CHI3L2: variants seen among roughly 807,000 people sequenced by gnomAD.
CHI3L2 encodes the protein chitinase-3-like protein 2.
A neutral mutation model predicts 47.3 loss-of-function variants in CHI3L2; 47 were observed. The ratio of observed to expected loss-of-function variants is 0.99; its 90% CI spans 0.79 to 1.27. The LOEUF (loss-of-function observed/expected upper bound fraction) is 1.27. CHI3L2 is among the 50% of genes most tolerant of loss of function. The pLI, the probability that CHI3L2 is intolerant of heterozygous loss-of-function variation, is 0.00. For missense variants in CHI3L2, 497 were observed against 462.1 expected (o/e 1.08, Z -0.69); for synonymous variants, 198 against 169.9 (o/e 1.17, Z -1.28).
Position 111,235,006 on chromosome 1 carries a change from C to G in CHI3L2, c.429C>G (p.Ser143Arg), listed in dbSNP as rs896784173. ...ATAACTTTGATGGACTGGATGTAAGCTGGATCTACCCAGATCAGAAAGAAA... is the reference window on the plus strand; with the variant it reads ...ATAACTTTGATGGACTGGATGTAAGGTGGATCTACCCAGATCAGAAAGAAA... ...RNHNFDGLDV[S>R]WIYPDQKENT... Residue 143 changes from serine to arginine, a missense_variant, in exon 5 of 11, where the codon AGC becomes AGG. By Grantham distance (110) the Ser-to-Arg change is moderately radical. Coordinates refer to ENST00000369748, the MANE Select transcript of CHI3L2 (RefSeq NM_004000.3). 6.2e-7 allele frequency: 1 copy of G among 1,614,050 alleles called. No homozygotes were observed. Among genetic ancestry groups the G allele is most frequent in the Non-Finnish European group, 8.5e-7 (1 of 1,180,030 alleles).
At chr1:111,231,378 T>C (rs1659717264) in intron 4 of CHI3L2, 84 bp downstream of exon 4, 2 of 1,062,644 alleles carry the variant, frequency 1.9e-6, no homozygotes, top group Non-Finnish European at 2.9e-6. Flanking sequence ...GAAGAGATAT[T>C]AAACTAGGCT....
chr1:111,232,910 G>T (rs1027544206), intron 4 of CHI3L2, among the ~76,000 whole-genome samples: 2 of 152,162 alleles, frequency 1.3e-5, no homozygotes, highest in Non-Finnish European at 2.9e-5. Flanking sequence ...CTGATATCAG[G>T]CCAGTTTCTT....
chr1:111,235,121 C>T, intron 5 of CHI3L2, 64 bp downstream of exon 5: 1 of 1,546,040 alleles, frequency 6.5e-7, no homozygotes. Flanking sequence ...ACTCTGATAT[C>T]CAGAATCCAT....
chr1:111,235,903 C>T, intron 6 of CHI3L2, 121 bp from the exon 7 acceptor site: 1 of 1,536,990 alleles, frequency 6.5e-7, no homozygotes, highest in Non-Finnish European at 8.8e-7. Flanking sequence ...CAGCCAGGAA[C>T]AACTTCTTTA....
chr1:111,234,898 T>G lies in CHI3L2; in HGVS notation c.330-9T>G, dbSNP rs1659831126. 1 of 1,613,356 alleles carries G rather than the reference T, an allele frequency of 6.2e-7. No homozygotes were observed. The highest frequency in any genetic ancestry group is 1.3e-5 in the African/African-American group (1 of 74,916). On this transcript the variant is annotated splice_polypyrimidine_tract_variant and intron_variant, in intron 4 of 10. Coordinates refer to ENST00000369748, the MANE Select transcript of CHI3L2 (RefSeq NM_004000.3). ...TTTCCAAAAAGACACTCGTATTGCT[T>G]CTTTCCAGGTTCCACCCTATGGTGG...
intron 8 of CHI3L2, among the ~76,000 whole-genome samples, chr1:111,239,878 G>A (rs1409695792): frequency 6.6e-6 from 1 of 152,174 alleles, no homozygotes; most frequent in Non-Finnish European, 1.5e-5. Context: ...ATCCATCCTT[G>A]TCTCTAAAGG....
intron 8 of CHI3L2, among the ~76,000 whole-genome samples, chr1:111,240,227 G>A (rs1470508895): frequency 1.3e-5 from 2 of 152,196 alleles, no homozygotes; most frequent in African/African-American, 4.8e-5. Context: ...CATGCTGAAT[G>A]ACTTGGCACC....
rs758413577 is a variant in CHI3L2 at position 111,235,635 on chromosome 1, C to T, written c.481-4C>T. 2.3e-5 allele frequency: 37 copies of T among 1,612,768 alleles called. No individual in the cohort carries two copies. The South Asian group carries it at 3.7e-4, about 16-fold the overall frequency. ...ATTGCACCTCGTTTCTTTGTTTTTC[C>T]TAGGAGTTAGCAGAAGCCTTTCAGA... On this transcript the variant is annotated splice_region_variant and splice_polypyrimidine_tract_variant and intron_variant, in intron 5 of 10. Transcript: ENST00000369748.
Position 111,229,841 on chromosome 1 carries a change from A to G in CHI3L2, c.41-11A>G. ...GCTCAACAGATTTCTCTTTCCACCC[A>G]TCTATTGCAGGTGTAGTGGTCTTGC... On this transcript the variant is annotated splice_polypyrimidine_tract_variant and intron_variant, in intron 1 of 10. Coordinates refer to ENST00000369748, the MANE Select transcript of CHI3L2 (RefSeq NM_004000.3). 1.9e-6 allele frequency: 3 copies of G among 1,613,848 alleles called. No individual in the cohort carries two copies. The highest frequency in any genetic ancestry group is 2.2e-5 in the East Asian group (1 of 44,860).
At chr1:111,229,904 C>T in intron 2 of CHI3L2, 23 bp downstream of exon 2, 3 of 1,613,600 alleles carry the variant, frequency 1.9e-6, no homozygotes, top group Non-Finnish European at 2.5e-6. Flanking sequence ...TAAGTCACTA[C>T]CGCCTGGATC....
At chr1:111,243,145 ATT>A in intron 10 of CHI3L2, 70 bp from the exon 11 acceptor site, 1 of 456,040 alleles carries the variant, frequency 2.2e-6, no homozygotes, top group Non-Finnish European at 4.4e-6. Context: ...CTGAGCATCC[ATT>A]GTTTAGTAAC....
At chr1:111,237,802 G>A (rs957825463) in intron 7 of CHI3L2, among the ~76,000 whole-genome samples, 2 of 152,144 alleles carry the variant, frequency 1.3e-5, no homozygotes, top group African/African-American at 4.8e-5. Flanking sequence ...GTTAATTCAG[G>A]TCATGATGGG....
chr1:111,227,911 A>G (rs1659573689), intron 1 of CHI3L2, 142 bp downstream of exon 1: 1 of 808,842 alleles, frequency 1.2e-6, no homozygotes, highest in African/African-American at 1.7e-5. Flanking sequence ...AAGCCAATGC[A>G]ACTGTTGTAG....
At chr1:111,235,330 AG>A (rs1423181330) in intron 5 of CHI3L2, among the ~76,000 whole-genome samples, 1 of 152,204 alleles carries the variant, frequency 6.6e-6, no homozygotes, top group Non-Finnish European at 1.5e-5. Flanking sequence ...CATATGAAAG[AG>A]GGTGTAGCCA....
At chr1:111,237,374 A>T (rs1005493858) in intron 7 of CHI3L2, among the ~76,000 whole-genome samples, 3 of 152,190 alleles carry the variant, frequency 2.0e-5, no homozygotes, top group Non-Finnish European at 4.4e-5. Context: ...GATCTCTTTC[A>T]CTGTCATAAT....
At chr1:111,242,760 C>T in intron 10 of CHI3L2, 1 of 168,792 alleles carries the variant, frequency 5.9e-6, no homozygotes. Flanking sequence ...TTCCATCTCA[C>T]TCATTACCTG....
intron 6 of CHI3L2, 48 bp downstream of exon 6, chr1:111,235,811 C>T: frequency 6.2e-7 from 1 of 1,603,910 alleles, no homozygotes; most frequent in Non-Finnish European, 8.5e-7. Flanking sequence ...CAATTTGGTC[C>T]ATGCAAATGA....
chr1:111,235,603 G>C, intron 5 of CHI3L2, 36 bp from the exon 6 acceptor site: 1 of 1,604,002 alleles, frequency 6.2e-7, no homozygotes, highest in Non-Finnish European at 8.5e-7. Context: ...ACTCTGGGAA[G>C]GGGAATATTG....
At chr1:111,228,820 G>C (rs1659604713) in intron 1 of CHI3L2, among the ~76,000 whole-genome samples, 1 of 152,198 alleles carries the variant, frequency 6.6e-6, no homozygotes, top group Non-Finnish European at 1.5e-5. Context: ...GCAGTTCCAG[G>C]AGTCTTGTCC....
Sources: allele counts gnomAD v4.1 joint callset (sites outside exome capture counted in the v4.1 genomes callset), GRCh38; gene constraint gnomAD v4.1.1; transcripts MANE v1.5; gene names NCBI Gene and HGNC (gene_info 2026-07-23, HGNC 2026-07-21).